NUMA1: variants seen among roughly 807,000 people sequenced by gnomAD.
NUMA1 encodes SP-H antigen.
A neutral mutation model predicts 237.1 loss-of-function variants in NUMA1; 62 were observed. That is an observed-to-expected ratio of 0.26 (90% confidence interval 0.21 to 0.32). The LOEUF is 0.32. Among genes scored for constraint, NUMA1 ranks in the 10% least tolerant of loss-of-function variants. The pLI is 1.00. For synonymous variants in NUMA1, 1,028 were observed against 1,066.1 expected (o/e 0.96, Z 0.70); for missense variants, 2,533 against 2,666.5 (o/e 0.95, Z 1.10).
intron 2 of NUMA1, chr11:72,049,565 A>ATATATATATATATATATATATG (rs1232488803): frequency 1.6e-4 from 3 of 18,240 alleles, no homozygotes; most frequent in Admixed American, 6.2e-4. Flanking sequence ...ATAATAATAT[A>ATATATATATATATATATATATG]TATATATATA....
At chr11:72,042,789 C>T (rs1941763377) in intron 2 of NUMA1, among the ~76,000 whole-genome samples, 1 of 152,080 alleles carries the variant, frequency 6.6e-6, no homozygotes, top group Non-Finnish European at 1.5e-5. Context: ...GCTGCACAGT[C>T]AGGAGACAGG....
At chr11:72,071,568 G>A (rs1206471557) in intron 1 of NUMA1, among the ~76,000 whole-genome samples, 1 of 152,176 alleles carries the variant, frequency 6.6e-6, no homozygotes, top group Non-Finnish European at 1.5e-5. Context: ...CTCAATAAAA[G>A]ACATCACTGG....
rs754119727 is a variant in NUMA1 at position 72,003,993 on chromosome 11, G to T, written c.6230C>A (p.Ser2077Tyr). 1.1e-5 allele frequency: 17 copies of T among 1,613,278 alleles called. No homozygotes were observed. In the East Asian group the frequency reaches 2.9e-4, roughly 27 times the overall value. Residue 2077 changes from serine to tyrosine, a missense_variant, in exon 26 of 27, where the codon TCC (serine) becomes TAC (tyrosine). Transcript: ENST00000393695. ...GASKKALSKA[S>Y]PNTRSGTRRS... ...GCGGGTTCCACTGCGAGTGTTGGGG[G>T]AAGCCTTGGACAGGGCCTTCTTTGA...
chr11:72,017,739 A>G lies in NUMA1; in HGVS notation c.1067T>C (p.Leu356Pro). Residue 356 changes from leucine (L) to proline (P), a missense_variant, in exon 13 of 27, where the codon CTA becomes CCA. By Grantham distance (98) the Leu-to-Pro change is moderately conservative (BLOSUM62 -3). Coordinates refer to ENST00000393695, the MANE Select transcript of NUMA1 (RefSeq NM_006185.4). The part of the protein sequence containing the change: ...EEHSKATQEW[L>P]EKQAQLEKEL... ...CTTCTCCAGCTGGGCCTGCTTCTCT[A>G]GCCACTCCTGAGTGGCCTTGCTGTG... 1 of 1,613,498 alleles carries G rather than the reference A, an allele frequency of 6.2e-7. No individual in the cohort carries two copies. The highest frequency in any genetic ancestry group is 8.5e-7 in the Non-Finnish European group (1 of 1,180,000).
intron 2 of NUMA1, among the ~76,000 whole-genome samples, chr11:72,039,163 T>TA (rs1316948333): frequency 6.6e-6 from 1 of 152,176 alleles, no homozygotes; most frequent in Non-Finnish European, 1.5e-5. Flanking sequence ...CTCTGGACCT[T>TA]AAAGAGTTAA....
chr11:72,062,053 G>A (rs1942972577), intron 2 of NUMA1, among the ~76,000 whole-genome samples: 1 of 152,100 alleles, frequency 6.6e-6, no homozygotes, highest in South Asian at 2.1e-4. Context: ...CCTGACCATT[G>A]TGGGAAAGGA....
intron 2 of NUMA1, among the ~76,000 whole-genome samples, chr11:72,037,177 T>C (rs771880321): frequency 1.3e-5 from 2 of 152,202 alleles, no homozygotes; most frequent in Non-Finnish European, 2.9e-5. Flanking sequence ...ACTCTATTTA[T>C]CAGCCAACCG....
chr11:72,016,708 C>A, intron 13 of NUMA1, 178 bp from the exon 14 acceptor site: 1 of 688,502 alleles, frequency 1.5e-6, no homozygotes, highest in Non-Finnish European at 2.4e-6. Flanking sequence ...ACCTGATTCT[C>A]TAGACCTAGT....
At chr11:72,068,451 C>G (rs1362082238) in intron 2 of NUMA1, 1 of 152,028 alleles carries the variant, frequency 6.6e-6, no homozygotes, top group Non-Finnish European at 1.5e-5. Flanking sequence ...GAAACCCTGT[C>G]TCTACTAAAA....
chr11:72,009,734 T>A (rs5019604), intron 17 of NUMA1, among the ~76,000 whole-genome samples: 141,026 of 152,134 alleles, frequency 0.93, 65,612 homozygotes, highest in Non-Finnish European at 0.98. Flanking sequence ...AGAGCCTTAC[T>A]CTAAGGCACT....
intron 22 of NUMA1, among the ~76,000 whole-genome samples, 165 bp downstream of exon 22, chr11:72,005,870 G>T (rs1002279428): frequency 6.6e-6 from 1 of 152,226 alleles, no homozygotes; most frequent in Non-Finnish European, 1.5e-5. Flanking sequence ...CCCTAGATGG[G>T]CAGGTAAGGA....
At chr11:72,017,881 A>T in intron 12 of NUMA1, 54 bp from the exon 13 acceptor site, 1 of 1,571,376 alleles carries the variant, frequency 6.4e-7, no homozygotes. Flanking sequence ...TGACCCCACC[A>T]CTGCTGTCTG....
intron 1 of NUMA1, among the ~76,000 whole-genome samples, chr11:72,072,780 C>G (rs959223767): frequency 6.6e-6 from 1 of 152,140 alleles, no homozygotes; most frequent in Admixed American, 6.5e-5. Flanking sequence ...CCTGGCCAGG[C>G]ACGGTGGCTC....
Position 72,016,058 on chromosome 11 carries a change from T to G in NUMA1, c.1445A>C (p.Lys482Thr), listed in dbSNP as rs767340498. The G allele has an allele frequency of 6.2e-7, 1 of 1,614,150 alleles. No individual in the cohort carries two copies. The highest frequency in any genetic ancestry group is 8.5e-7 in the Non-Finnish European group (1 of 1,180,028). The change falls in exon 15 of 27, where the codon AAG becomes ACG. Residue 482 changes from lysine (K) to threonine (T), a missense_variant. This residue lies in a region of NUMA1 where 1,414 missense variants were observed against 1,508.1 expected (regional missense o/e 0.94). Coordinates refer to ENST00000393695, the MANE Select transcript of NUMA1 (RefSeq NM_006185.4). Reference protein sequence around the residue: ...QSSISNLSQAKEELEQASQAH... With the variant: ...QSSISNLSQATEELEQASQAH... ...CTGGGAGGCCTGCTCCAGCTCTTCC[T>G]TGGCCTGGCTGAGGTTGGAGATGGA...
intron 2 of NUMA1, among the ~76,000 whole-genome samples, chr11:72,061,691 A>C (rs555356553): frequency 6.6e-6 from 1 of 151,884 alleles, no homozygotes; most frequent in African/African-American, 2.4e-5. Flanking sequence ...GGGCCTTGTC[A>C]TGTTGCCTAA....
At chr11:72,037,414 G>A (rs927134069) in intron 2 of NUMA1, among the ~76,000 whole-genome samples, 1 of 152,164 alleles carries the variant, frequency 6.6e-6, no homozygotes, top group Non-Finnish European at 1.5e-5. Flanking sequence ...GCTGAGGCAG[G>A]AGAATGGCGT....
At chr11:72,019,709 G>A in intron 8 of NUMA1, 92 bp from the exon 9 acceptor site, 2 of 1,374,178 alleles carry the variant, frequency 1.5e-6, no homozygotes, top group South Asian at 1.3e-5. Flanking sequence ...ACTCGCCTTA[G>A]TGGGAGTATA....
At chr11:72,046,324 C>T (rs1425442201) in intron 2 of NUMA1, among the ~76,000 whole-genome samples, 1 of 152,100 alleles carries the variant, frequency 6.6e-6, no homozygotes, top group South Asian at 2.1e-4. Flanking sequence ...GCAGGCGGAT[C>T]ACCTGAGGTC....
chr11:72,063,463 G>A (rs1943048248), intron 2 of NUMA1, among the ~76,000 whole-genome samples: 1 of 152,030 alleles, frequency 6.6e-6, no homozygotes, highest in Non-Finnish European at 1.5e-5. Context: ...AGAGGCCGAG[G>A]CAGGATGATC....
Sources: gnomAD v4.1 joint callset for allele counts (sites outside exome capture counted in the v4.1 genomes callset) on GRCh38, gnomAD v4.1.1 for gene constraint, gnomAD v4.1.1 regional missense constraint, MANE v1.5 for transcripts, NCBI Gene and HGNC (gene_info 2026-07-23, HGNC 2026-07-21) for gene names.